Variants in PICK1 observed in about 807,000 individuals in gnomAD.
The protein encoded by PICK1 is PRKCA-binding protein.
Under a neutral mutation model 48.9 loss-of-function variants are expected in PICK1, and 23 were observed. The ratio of observed to expected loss-of-function variants is 0.47; its 90% CI spans 0.34 to 0.67. PICK1 has a LOEUF of 0.67. Among genes scored for constraint, PICK1 ranks in the 30% least tolerant of loss-of-function variants. PICK1 has a pLI of 0.01. For missense variants in PICK1, 423 were observed against 557.1 expected (o/e 0.76, Z 2.42); for synonymous variants, 217 against 228.2 (o/e 0.95, Z 0.44).
At chr22:38,071,366 C>G (rs2085686556) in intron 7 of PICK1, among the ~76,000 whole-genome samples, 1 of 152,160 alleles carries the variant, frequency 6.6e-6, no homozygotes, top group African/African-American at 2.4e-5. Context: ...ACCTGATACT[C>G]ATAAAAATTC....
rs149406206 is a variant in PICK1, at chr22:38,072,572, G to C, written c.652G>C (p.Glu218Gln). 11 of 1,613,308 alleles carry C rather than the reference G, an allele frequency of 6.8e-6. No homozygotes were observed. Among genetic ancestry groups the C allele is most frequent in the Non-Finnish European group, 8.5e-6 (10 of 1,180,054 alleles). Residue 218 changes from glutamate (E) to glutamine (Q), a missense_variant, in exon 9 of 13, where the codon GAG (glutamate) becomes CAG (glutamine). By Grantham distance (29) the Glu-to-Gln change is conservative. Around this residue, in one of 2 missense-constraint regions of PICK1, gnomAD observed 279 missense variants for 417.8 expected, o/e 0.67. Transcript: ENST00000356976. Reference protein sequence around the residue: ...VKFADAHRSIEKFGIRLLKTI... With the variant: ...VKFADAHRSIQKFGIRLLKTI... ...GTTCGCCGATGCCCACCGCAGCATC[G>C]AGAAGTTCGGCATTCGGCTTCTGAA...
chr22:38,058,107 T>C (rs998876092), intron 2 of PICK1: 1 of 552,270 alleles, frequency 1.8e-6, no homozygotes, highest in African/African-American at 1.9e-5. Context: ...GATGGAGCAG[T>C]GCTTCTGCTG....
chr22:38,072,351 T>G, intron 8 of PICK1, 126 bp from the exon 9 acceptor site: 1 of 1,107,980 alleles, frequency 9.0e-7, no homozygotes, highest in Non-Finnish European at 1.3e-6. Context: ...CTCTTGGAGG[T>G]GTAGCCCCTG....
At position 38,069,608 on chromosome 22, in the gene PICK1, C is replaced by T. The variant is rs997918221; in HGVS notation, c.439+486C>T. Among the ~76,000 whole-genome samples the T allele has an allele frequency of 2.0e-5, 3 of 152,314 alleles. No individual in the cohort carries two copies. In the South Asian group the frequency reaches 6.2e-4, roughly 32 times the overall value. ...GGGGTGGCCAGCGAAACACTCAGTCCCCCTCCTACCGTCGCCAGTCCGAGT... is the reference window on the plus strand; with the variant it reads ...GGGGTGGCCAGCGAAACACTCAGTCTCCCTCCTACCGTCGCCAGTCCGAGT... On this transcript the variant is annotated intron_variant, in intron 6 of 12. Coordinates refer to ENST00000356976, the MANE Select transcript of PICK1 (RefSeq NM_012407.4).
chr22:38,075,331 A>G lies in PICK1; in HGVS notation c.*199A>G, dbSNP rs1471522487. On this transcript the variant is annotated 3_prime_UTR_variant, in exon 13 of 13. Transcript: ENST00000356976. ...CAGGGTCATGGCCTGGGACCTGGAC[A>G]CTGGCCCCTCCACCCTCCCTCCCCT... is the stretch of plus-strand genomic sequence containing the variant. The G allele has an allele frequency of 8.6e-6, 5 of 582,396 alleles. No individual in the cohort carries two copies. In the East Asian group the frequency reaches 1.4e-4, roughly 17 times the overall value. The allele number at this position is 582,396 out of a possible 1,614,324, so 36.1% of individuals were successfully genotyped here.
intron 3 of PICK1, 112 bp downstream of exon 3, chr22:38,059,457 C>A: frequency 2.5e-6 from 2 of 802,630 alleles, no homozygotes; most frequent in Non-Finnish European, 2.1e-6. Context: ...TGAGGTCTGA[C>A]CCTCTCAGAG....
Position 38,064,996 on chromosome 22 carries a change from C to T in PICK1, c.154-6C>T. ...TTCCCCCACCACTCTCCTTATGCAC[C>T]CACAGGTATTTGACAACACCCCAGC... is the stretch of plus-strand genomic sequence containing the variant. On this transcript the variant is annotated splice_region_variant and splice_polypyrimidine_tract_variant and intron_variant, in intron 3 of 12. Coordinates refer to ENST00000356976, the MANE Select transcript of PICK1 (RefSeq NM_012407.4). The T allele has an allele frequency of 6.2e-7, 1 of 1,613,968 alleles. No homozygotes were observed. Among genetic ancestry groups the T allele is most frequent in the South Asian group, 1.1e-5 (1 of 91,066 alleles).
Position 38,072,531 on chromosome 22 carries a change from G to A in PICK1, c.611G>A (p.Ser204Asn), listed in dbSNP as rs141463477. The change falls in exon 9 of 13, where the codon AGC (serine) becomes AAC (asparagine). Residue 204 changes from serine (S) to asparagine (N), a missense_variant. By Grantham distance (46) the Ser-to-Asn change is conservative. Transcript: ENST00000356976. ...IGVREPQPAA[S>N]EAFVKFADAH... Reference sequence around the variant, plus strand: ...GTGCGGGAGCCCCAGCCAGCTGCGAGCGAGGCTTTTGTGAAGTTCGCCGAT... The same window carrying A: ...GTGCGGGAGCCCCAGCCAGCTGCGAACGAGGCTTTTGTGAAGTTCGCCGAT... The A allele has an allele frequency of 6.2e-7, 1 of 1,613,546 alleles. No homozygotes were observed. The highest frequency in any genetic ancestry group is 8.5e-7 in the Non-Finnish European group (1 of 1,180,044).
chr22:38,060,615 C>T (rs556974605), intron 3 of PICK1, among the ~76,000 whole-genome samples: 9 of 152,250 alleles, frequency 5.9e-5, no homozygotes, highest in Admixed American at 3.9e-4. Flanking sequence ...CTCCTGTGAC[C>T]CAGGAGGCAT....
In PICK1 at chr22:38,074,940, G is replaced by A; in HGVS notation, c.1056G>A (p.Leu352=). 1 of 1,613,736 alleles carries A rather than the reference G, an allele frequency of 6.2e-7. No homozygotes were observed. The highest frequency in any genetic ancestry group is 1.1e-5 in the South Asian group (1 of 91,088). ...ACTACAACGACTGCTACGCAGTGCTGCGGGATGCCGACGTCTTCCCCATCG... is the reference window on the plus strand; with the variant it reads ...ACTACAACGACTGCTACGCAGTGCTACGGGATGCCGACGTCTTCCCCATCG... The part of the protein sequence containing the change: ...SKYYNDCYAV[L]RDADVFPIEV... The change falls in exon 13 of 13, where the codon CTG becomes CTA. Residue 352 remains leucine, a synonymous_variant. Coordinates refer to ENST00000356976, the MANE Select transcript of PICK1 (RefSeq NM_012407.4). The surrounding 1 kb of genome is among the most constrained non-coding windows in gnomAD (Gnocchi z 4.5).
chr22:38,070,814 C>T (rs2085660702), intron 6 of PICK1, 24 bp from the exon 7 acceptor site: 2 of 1,612,288 alleles, frequency 1.2e-6, no homozygotes, highest in Non-Finnish European at 1.7e-6. Context: ...CCACTGACCT[C>T]CCCTCTTCTT....
In PICK1 at chr22:38,075,075, G is replaced by C; in HGVS notation, c.1191G>C (p.Arg397Ser). Residue 397 changes from arginine (R) to serine (S), a missense_variant, in exon 13 of 13, where the codon AGG (arginine) becomes AGC (serine). Arg to Ser is a moderately radical substitution (Grantham distance 110). Transcript: ENST00000356976. Reference protein sequence around the residue: ...EEDTAAGEPSRDTRGAAGPLD... With the variant: ...EEDTAAGEPSSDTRGAAGPLD... ...ACACGGCAGCTGGGGAGCCGTCCAG[G>C]GATACACGAGGGGCTGCTGGGCCCT... The C allele has an allele frequency of 6.2e-7, 1 of 1,612,928 alleles. No individual in the cohort carries two copies. The highest frequency in any genetic ancestry group is 8.5e-7 in the Non-Finnish European group (1 of 1,180,002).
chr22:38,062,709 G>T (rs548390571), intron 3 of PICK1, among the ~76,000 whole-genome samples: 1 of 152,212 alleles, frequency 6.6e-6, no homozygotes, highest in African/African-American at 2.4e-5. Context: ...CTGAGAAAGG[G>T]CACGTGGGAT....
At chr22:38,060,151 C>T (rs1052893315) in intron 3 of PICK1, among the ~76,000 whole-genome samples, 1 of 152,194 alleles carries the variant, frequency 6.6e-6, no homozygotes, top group African/African-American at 2.4e-5. Flanking sequence ...GTAGAGGTTG[C>T]AGTGAGCTGA....
chr22:38,058,005 T>A, intron 2 of PICK1, 155 bp downstream of exon 2: 1 of 719,916 alleles, frequency 1.4e-6, no homozygotes, highest in East Asian at 2.7e-5. Context: ...AGCTCACTAT[T>A]TGTAGGGGGC....
chr22:38,071,605 C>A, intron 7 of PICK1, 77 bp from the exon 8 acceptor site: 1 of 1,282,878 alleles, frequency 7.8e-7, no homozygotes. Flanking sequence ...GTGGCATGGG[C>A]AATTGGAGGC....
intron 7 of PICK1, 147 bp from the exon 8 acceptor site, chr22:38,071,535 C>CAGGGG: frequency 1.3e-6 from 1 of 783,880 alleles, no homozygotes. Context: ...AGCTTTTACC[C>CAGGGG]CTGGGCTGTG....
chr22:38,071,624 G>C (rs956641555), intron 7 of PICK1, 58 bp from the exon 8 acceptor site: 5 of 1,497,042 alleles, frequency 3.3e-6, no homozygotes, highest in Non-Finnish European at 4.7e-6. Flanking sequence ...GCCTTGCCCT[G>C]GGCCAGTGTG....
rs2085663230 is a variant in PICK1 at position 38,070,900 on chromosome 22, G to C, written c.493+9G>C. 1 of 1,613,106 alleles carries C rather than the reference G, an allele frequency of 6.2e-7. No homozygotes were observed. Among genetic ancestry groups the C allele is most frequent in the African/African-American group, 1.3e-5 (1 of 75,020 alleles). On this transcript the variant is annotated intron_variant, in intron 7 of 12. Transcript: ENST00000356976. ...CGCTGAGCTATACAAAGGTGGGTGG[G>C]GGGTGGCCTCGTCCTGGCACTAGCT...
Sources: allele counts gnomAD v4.1 joint callset (sites outside exome capture counted in the v4.1 genomes callset), GRCh38; gene constraint gnomAD v4.1.1; regional missense constraint gnomAD v4.1.1; non-coding constraint Gnocchi (gnomAD v3.1); transcripts MANE v1.5; gene names NCBI Gene and HGNC (gene_info 2026-07-23, HGNC 2026-07-21).